Variants in FRY observed in about 807,000 individuals in gnomAD.
FRY encodes the protein protein furry homolog.
FRY carries 128 observed loss-of-function variants against 348.4 expected under a neutral mutation model. The ratio of observed to expected loss-of-function variants is 0.37; its 90% confidence interval spans 0.32 to 0.43. The LOEUF is 0.43. Ranked by LOEUF, FRY falls within the 20% of genes least tolerant of loss-of-function variation. The pLI, the probability that FRY is intolerant of heterozygous loss-of-function variation, is 1.00. For missense variants in FRY, 2,736 were observed against 3,695.2 expected, an observed-to-expected ratio of 0.74 and a Z score of 6.73; for synonymous variants, 1,370 against 1,374.7, an observed-to-expected ratio of 1.00 and a Z score of 0.08.
intron 47 of FRY, among the ~76,000 whole-genome samples, 158 bp from the exon 48 acceptor site, chr13:32,247,165 T>A (rs1886853058): frequency 6.6e-6 from 1 of 152,246 alleles, no homozygotes; most frequent in African/African-American, 2.4e-5. Context: ...TACATTGTCT[T>A]TTTATGTCAT....
rs772436878 is a variant in FRY, at chr13:32,228,482, C to T, written c.5233C>T (p.Gln1745Ter). 3.1e-6 allele frequency: 5 copies of T among 1,612,568 alleles called. No individual in the cohort carries two copies. Among genetic ancestry groups the T allele is most frequent in the Non-Finnish European group, 4.2e-6 (5 of 1,179,736 alleles). The change falls in exon 40 of 61, where the codon CAG becomes TAG. Residue 1745 changes from glutamine (Q) to a stop codon, truncating the protein, a stop_gained. Coordinates refer to ENST00000542859, the MANE Select transcript of FRY (RefSeq NM_023037.3). LOFTEE classifies it high-confidence loss of function. ...TGGCTTTGACTTCCTGAGAGAGGAC[C>T]AGTCATCCCCGGTGCCTGACTCAGG... ...TGGFDFLRED[Q>*]SSPVPDSGLS...
In FRY at chr13:32,224,363, A is replaced by G. The variant is rs747016904; in HGVS notation, c.4894A>G (p.Thr1632Ala). 2 of 1,613,562 alleles carry G rather than the reference A, an allele frequency of 1.2e-6. No homozygotes were observed. The highest frequency in any genetic ancestry group is 3.3e-5 in the Admixed American group (2 of 59,950). The change falls in exon 37 of 61, where the codon ACT (threonine) becomes GCT (alanine). Residue 1632 changes from threonine to alanine, a missense_variant. Thr to Ala is a moderately conservative substitution (Grantham distance 58). This residue lies in a region of FRY where 794 missense variants were observed against 977.0 expected (regional missense o/e 0.81). Transcript: ENST00000542859. ...GGTTGACTATCTCCCGGAGACCATCACTCCCCGGGGGCCACTCCACAGGTG... is the reference window on the plus strand; with the variant it reads ...GGTTGACTATCTCCCGGAGACCATCGCTCCCCGGGGGCCACTCCACAGGTG... ...PLVDYLPETI[T>A]PRGPLHRCNI...
intron 17 of FRY, among the ~76,000 whole-genome samples, chr13:32,167,605 A>G (rs528327846): frequency 6.6e-6 from 1 of 152,284 alleles, no homozygotes; most frequent in South Asian, 2.1e-4. Context: ...AGGTACTGGG[A>G]GTTAGGACTT....
rs1886393880 is a variant in FRY, at chr13:32,239,583, A to G, written c.6517-128A>G. 4.1e-6 allele frequency: 3 copies of G among 737,780 alleles called. No individual in the cohort carries two copies. The highest frequency in any genetic ancestry group is 2.1e-5 in the Admixed American group (1 of 46,556). The allele number at this position is 737,780 out of a possible 1,614,324, so 45.7% of individuals were successfully genotyped here. A position where few individuals can be genotyped will look rare whatever the true frequency, so the allele number is the denominator to read the frequency against. ...GAAAATTATATTAGCCAAGCTAAGT[A>G]TTTCCTGTAATTACCAAAAAGTGTA... On this transcript the variant is annotated intron_variant, in intron 45 of 60. Coordinates refer to ENST00000542859, the MANE Select transcript of FRY (RefSeq NM_023037.3). This position sits in a 1 kb window ranked among gnomAD's most constrained non-coding sequence, Gnocchi z 4.3.
At chr13:32,197,852 T>C (rs1306794449) in intron 29 of FRY, among the ~76,000 whole-genome samples, 1 of 152,200 alleles carries the variant, frequency 6.6e-6, no homozygotes, top group Non-Finnish European at 1.5e-5. Flanking sequence ...CTAGATAGTT[T>C]TATTTCTTGT....
chr13:32,114,830 T>A (rs1258950905), intron 3 of FRY, among the ~76,000 whole-genome samples: 1 of 152,206 alleles, frequency 6.6e-6, no homozygotes, highest in Non-Finnish European at 1.5e-5. Context: ...AGTGAATTAC[T>A]ACCTTGCCAC....
At position 32,237,275 on chromosome 13, in the gene FRY, A is replaced by G. The variant is rs1886272219; in HGVS notation, c.5811-104A>G. On this transcript the variant is annotated intron_variant, in intron 43 of 60. Coordinates refer to ENST00000542859, the MANE Select transcript of FRY (RefSeq NM_023037.3). This position sits in a 1 kb window ranked among gnomAD's most constrained non-coding sequence, Gnocchi z 6.3. The stretch of plus-strand genomic sequence containing the variant: ...TAAATGAATAGAAAGTGGCATTTCT[A>G]AAGAATGATTTCCCTCCTGCAGTGT... The G allele has an allele frequency of 8.8e-7, 1 of 1,133,520 alleles. No individual in the cohort carries two copies. The highest frequency in any genetic ancestry group is 1.3e-6 in the Non-Finnish European group (1 of 769,648). The allele number at this position is 1,133,520 out of a possible 1,614,324, so 70.2% of individuals were successfully genotyped here.
At chr13:32,201,333 C>G (rs1373086481) in intron 29 of FRY, among the ~76,000 whole-genome samples, 1 of 152,196 alleles carries the variant, frequency 6.6e-6, no homozygotes, top group Non-Finnish European at 1.5e-5. Context: ...TACCCCCCAT[C>G]TAATGTAGGT....
chr13:32,160,321 A>G (rs1258295813), intron 16 of FRY, among the ~76,000 whole-genome samples: 1 of 152,208 alleles, frequency 6.6e-6, no homozygotes, highest in Non-Finnish European at 1.5e-5. Flanking sequence ...CAGACTTTAG[A>G]TATGCTGTTA....
rs1238107600 is a variant in FRY at position 32,278,523 on chromosome 13, G to A, written c.8444G>A (p.Cys2815Tyr). The change falls in exon 58 of 61, where the codon TGT becomes TAT. Residue 2815 changes from cysteine (C) to tyrosine (Y), a missense_variant. Around this residue, in one of 9 missense-constraint regions of FRY, gnomAD observed 789 missense variants for 996.2 expected, o/e 0.79. Coordinates refer to ENST00000542859, the MANE Select transcript of FRY (RefSeq NM_023037.3). ...GGATCAAGAGATGGAGTAATTACCT[G>A]TCAACCAGGGGACTCCGAAGAAAAG... Reference protein sequence around the residue: ...AGGSRDGVITCQPGDSEEKQL... With the variant: ...AGGSRDGVITYQPGDSEEKQL... 1.3e-6 allele frequency: 2 copies of A among 1,585,902 alleles called. No homozygotes were observed. Among genetic ancestry groups the A allele is most frequent in the African/African-American group, 2.7e-5 (2 of 74,400 alleles).
chr13:32,295,346 C>T lies in FRY; in HGVS notation c.8928C>T (p.Cys2976=), dbSNP rs915417689. ...VGSNQSLTEI[C]TKLMELNMEI... ...CTAACCAGAGCCTGACCGAGATCTG[C>T]ACCAAGCTGATGGAGCTGAACATGG... is the stretch of plus-strand genomic sequence containing the variant. The change falls in exon 61 of 61, where the codon TGC becomes TGT. Residue 2976 remains cysteine, a synonymous_variant. Transcript: ENST00000542859. 2 of 1,613,874 alleles carry T rather than the reference C, an allele frequency of 1.2e-6. No homozygotes were observed. The highest frequency in any genetic ancestry group is 1.3e-5 in the African/African-American group (1 of 75,050).
chr13:32,219,190 G>C (rs1885175266), intron 36 of FRY, among the ~76,000 whole-genome samples: 1 of 149,856 alleles, frequency 6.7e-6, no homozygotes, highest in African/African-American at 2.4e-5. Context: ...CTGGGTTCAA[G>C]TCATGTTCCT....
chr13:32,121,833 T>C (rs528039896), intron 4 of FRY, among the ~76,000 whole-genome samples: 2 of 152,370 alleles, frequency 1.3e-5, no homozygotes, highest in East Asian at 1.9e-4. Context: ...TTTTGGGTTT[T>C]GGGTCATGAA....
chr13:32,237,590 G>A lies in FRY; in HGVS notation c.6022G>A (p.Ala2008Thr). Residue 2008 changes from alanine to threonine, a missense_variant, in exon 44 of 61, where the codon GCT becomes ACT. Ala to Thr is a moderately conservative substitution (Grantham distance 58). Coordinates refer to ENST00000542859, the MANE Select transcript of FRY (RefSeq NM_023037.3). The surrounding 1 kb of genome is among the most constrained non-coding windows in gnomAD (Gnocchi z 6.3). ...PRSATLDRIQ[A>T]CTQQGLSSKT... ...AAGTGCCACACTGGACAGAATTCAG[G>A]CTTGTACCCAACAAGGCCTCTCCTC... 3 of 1,614,056 alleles carry A rather than the reference G, an allele frequency of 1.9e-6. No homozygotes were observed. Among genetic ancestry groups the A allele is most frequent in the Non-Finnish European group, 2.5e-6 (3 of 1,180,002 alleles).
chr13:32,064,095 A>G (rs1004823103), intron 1 of FRY, among the ~76,000 whole-genome samples: 1 of 152,192 alleles, frequency 6.6e-6, no homozygotes, highest in Non-Finnish European at 1.5e-5. Context: ...GGAAATGCGT[A>G]TATAATATGT....
intron 1 of FRY, among the ~76,000 whole-genome samples, chr13:32,044,171 T>A (rs1266255093): frequency 6.6e-6 from 1 of 152,256 alleles, no homozygotes; most frequent in Non-Finnish European, 1.5e-5. Context: ...CAATAGTAGA[T>A]GAAATGCCCT....
At chr13:32,158,116 A>G (rs1881220123) in intron 16 of FRY, among the ~76,000 whole-genome samples, 1 of 152,250 alleles carries the variant, frequency 6.6e-6, no homozygotes, top group Non-Finnish European at 1.5e-5. Context: ...ATTGTTACCT[A>G]TATAGAGAGA....
At chr13:32,162,159 T>C (rs1881480835) in intron 17 of FRY, among the ~76,000 whole-genome samples, 1 of 152,128 alleles carries the variant, frequency 6.6e-6, no homozygotes, top group African/African-American at 2.4e-5. Flanking sequence ...GTTGAGGCAT[T>C]TGGACTGATG....
At chr13:32,212,703 T>C (rs1240300840) in intron 35 of FRY, among the ~76,000 whole-genome samples, 1 of 152,220 alleles carries the variant, frequency 6.6e-6, no homozygotes, top group East Asian at 1.9e-4. Context: ...AGAATTGCCA[T>C]GTGAAATTTT....
Sources: allele counts gnomAD v4.1 joint callset (sites outside exome capture counted in the v4.1 genomes callset), GRCh38; gene constraint gnomAD v4.1.1; regional missense constraint gnomAD v4.1.1; non-coding constraint Gnocchi (gnomAD v3.1); transcripts MANE v1.5; gene names NCBI Gene and HGNC (gene_info 2026-07-23, HGNC 2026-07-21).